Variants in CDH13 observed in about 807,000 individuals in gnomAD.
CDH13 encodes the protein cadherin-13.
A neutral mutation model predicts 63.8 loss-of-function variants in CDH13; 24 were observed. The observed-to-expected ratio is 0.38, with a 90% confidence interval of 0.27 to 0.53. CDH13 has a LOEUF of 0.53. CDH13 is among the 20% of genes least tolerant of loss of function. The probability of loss-of-function intolerance (pLI) is 0.85; values close to 1 mark genes in which losing one functional copy is unlikely to be tolerated. For missense variants in CDH13, 1,049 were observed against 903.1 expected (o/e 1.16, Z -2.07); for synonymous variants, 503 against 355.3 (o/e 1.42, Z -4.67).
chr16:82,664,494 T>C (rs1351680196), intron 1 of CDH13, among the ~76,000 whole-genome samples: 1 of 152,242 alleles, frequency 6.6e-6, no homozygotes, highest in East Asian at 1.9e-4. Context: ...GTCAGAGTCC[T>C]GTCAATGCAG....
intron 6 of CDH13, among the ~76,000 whole-genome samples, chr16:83,413,570 T>G (rs75515511): frequency 0.041 from 6,238 of 152,230 alleles, 431 homozygotes; most frequent in African/African-American, 0.14. Context: ...AAAGTTACAG[T>G]CAAGATTATT....
chr16:83,265,122 G>A (rs1034787581), intron 5 of CDH13, among the ~76,000 whole-genome samples: 6 of 152,112 alleles, frequency 3.9e-5, no homozygotes, highest in Non-Finnish European at 5.9e-5. Context: ...GTCTCAAGTC[G>A]TCTGTTTGTT....
At chr16:83,488,251 C>T (rs2073937591) in intron 7 of CDH13, among the ~76,000 whole-genome samples, 1 of 152,170 alleles carries the variant, frequency 6.6e-6, no homozygotes, top group South Asian at 2.1e-4. Context: ...TTCTACTGGG[C>T]AACAATGGCC....
chr16:82,717,112 C>T (rs2032426339), intron 1 of CDH13, among the ~76,000 whole-genome samples: 1 of 152,086 alleles, frequency 6.6e-6, no homozygotes, highest in African/African-American at 2.4e-5. Flanking sequence ...TTCATAACCA[C>T]ACTGCCATCT....
chr16:83,366,106 A>C (rs16960308), intron 6 of CDH13, among the ~76,000 whole-genome samples: 1 of 152,248 alleles, frequency 6.6e-6, no homozygotes, highest in African/African-American at 2.4e-5. Context: ...ATTATCTTAC[A>C]TACCATTTAA....
chr16:82,675,518 C>G lies in CDH13; in HGVS notation c.45+48381C>G, dbSNP rs78181231. Among the ~76,000 whole-genome samples the G allele has an allele frequency of 6.9e-3, 1,057 of 152,274 alleles. 9 individuals carry two copies. The highest frequency in any genetic ancestry group is 0.025 in the African/African-American group (1,028 of 41,544). On this transcript the variant is annotated intron_variant, in intron 1 of 13. Coordinates refer to ENST00000567109, the MANE Select transcript of CDH13 (RefSeq NM_001257.5). ...CCTCTGGTAGGAAAAGAATTTGACT[C>G]CTTGGCCCAGCACAGTTTCAAAGCT...
chr16:83,273,613 AT>A (rs2151848733), intron 5 of CDH13, among the ~76,000 whole-genome samples: 1 of 152,272 alleles, frequency 6.6e-6, no homozygotes, highest in South Asian at 2.1e-4. Context: ...AACAATATGA[AT>A]TCTTAAGAAG....
chr16:82,812,010 C>A (rs1351350512), intron 1 of CDH13, among the ~76,000 whole-genome samples: 1 of 152,134 alleles, frequency 6.6e-6, no homozygotes, highest in Non-Finnish European at 1.5e-5. Context: ...CTACCTTCAG[C>A]CTTGGGGTGG....
In CDH13 at chr16:83,748,140, T is replaced by G; in HGVS notation, c.1571T>G (p.Leu524Arg). The G allele has an allele frequency of 6.2e-7, 1 of 1,613,952 alleles. No individual in the cohort carries two copies. Among genetic ancestry groups the G allele is most frequent in the Non-Finnish European group, 8.5e-7 (1 of 1,179,864 alleles). Reference protein sequence around the residue: ...YSVYKDPAGWLNINPINGTVD... With the variant: ...YSVYKDPAGWRNINPINGTVD... ...GTTTACAAGGACCCAGCAGGTTGGC[T>G]GAATATTAACCCCATCAATGGGACT... The change falls in exon 11 of 14, where the codon CTG becomes CGG. Residue 524 changes from leucine to arginine, a missense_variant. Physicochemically the swap from Leu to Arg is moderately radical, Grantham distance 102 (BLOSUM62 -2). Transcript: ENST00000567109.
chr16:83,302,186 C>T (rs923217764), intron 5 of CDH13, among the ~76,000 whole-genome samples: 1 of 152,156 alleles, frequency 6.6e-6, no homozygotes, highest in African/African-American at 2.4e-5. Context: ...CTCATGACAT[C>T]ATAGAAAATG....
At position 82,810,102 on chromosome 16, in the gene CDH13, T is replaced by C. The variant is rs546967621; in HGVS notation, c.46-48260T>C. On this transcript the variant is annotated intron_variant, in intron 1 of 13. Coordinates refer to ENST00000567109, the MANE Select transcript of CDH13 (RefSeq NM_001257.5). Reference sequence around the variant, plus strand: ...CTTAGTTGCTGACAACCCTCCATCATTGATCGAAGTAAGAAACCTTTTCTG... The same window carrying C: ...CTTAGTTGCTGACAACCCTCCATCACTGATCGAAGTAAGAAACCTTTTCTG... 3.3e-5 allele frequency among the ~76,000 whole-genome samples: 5 copies of C among 152,324 alleles called. No individual in the cohort carries two copies. In the South Asian group the frequency reaches 6.2e-4, roughly 19 times the overall value.
chr16:83,232,081 G>C (rs1233793462), intron 5 of CDH13, among the ~76,000 whole-genome samples: 4 of 152,026 alleles, frequency 2.6e-5, no homozygotes, highest in Non-Finnish European at 4.4e-5. Context: ...GAGAGGATCA[G>C]GAAACATAAC....
At chr16:83,455,537 C>T (rs2151516281) in intron 6 of CDH13, among the ~76,000 whole-genome samples, 1 of 152,250 alleles carries the variant, frequency 6.6e-6, no homozygotes, top group African/African-American at 2.4e-5. Flanking sequence ...TTTGTGTATT[C>T]CCACGCAGGA....
At chr16:82,723,459 G>A (rs141537266) in intron 1 of CDH13, among the ~76,000 whole-genome samples, 3 of 152,260 alleles carry the variant, frequency 2.0e-5, no homozygotes, top group South Asian at 2.1e-4. Context: ...ATTCTGGTCT[G>A]TGGGATGTGG....
At chr16:83,689,489 C>A (rs905893385) in intron 10 of CDH13, among the ~76,000 whole-genome samples, 3 of 152,174 alleles carry the variant, frequency 2.0e-5, no homozygotes, top group Admixed American at 1.3e-4. Flanking sequence ...ATGGCATTAA[C>A]CCTAACACGG....
rs575413943 is a variant in CDH13, at chr16:83,530,047, A to C, written c.960+43392A>C. Among the ~76,000 whole-genome samples, 3 of 152,296 alleles carry C rather than the reference A, an allele frequency of 2.0e-5. No individual in the cohort carries two copies. The East Asian group carries it at 5.8e-4, about 29-fold the overall frequency. On this transcript the variant is annotated intron_variant, in intron 7 of 13. Coordinates refer to ENST00000567109, the MANE Select transcript of CDH13 (RefSeq NM_001257.5). The stretch of plus-strand genomic sequence containing the variant: ...GCCTGATGCAGACACTGAGCTGGAC[A>C]TGAAGCATGTTCTCTGAAGATTATT...
At chr16:82,791,761 G>C (rs189210892) in intron 1 of CDH13, among the ~76,000 whole-genome samples, 1 of 152,176 alleles carries the variant, frequency 6.6e-6, no homozygotes, top group African/African-American at 2.4e-5. Flanking sequence ...GCCTGGGTTC[G>C]TCCTAACTGG....
chr16:82,850,022 C>A (rs988671057), intron 1 of CDH13, among the ~76,000 whole-genome samples: 1 of 152,200 alleles, frequency 6.6e-6, no homozygotes, highest in Non-Finnish European at 1.5e-5. Flanking sequence ...GTTGTTTTCA[C>A]ACCTGCTAAT....
intron 1 of CDH13, among the ~76,000 whole-genome samples, chr16:82,648,741 A>C (rs1425835919): frequency 1.3e-5 from 2 of 152,260 alleles, no homozygotes; most frequent in Non-Finnish European, 2.9e-5. Context: ...AATGAAAAAT[A>C]CAAGAAACTT....
Sources: gnomAD v4.1 joint callset for allele counts (sites outside exome capture counted in the v4.1 genomes callset) on GRCh38, gnomAD v4.1.1 for gene constraint, MANE v1.5 for transcripts, NCBI Gene and HGNC (gene_info 2026-07-23, HGNC 2026-07-21) for gene names.